The following KLC2 variants were observed in gnomAD, a reference collection of about 807,000 sequenced individuals.
The protein encoded by KLC2 is KLC 2.
In KLC2, 35 loss-of-function variants were observed where a neutral mutation model predicts 75.1. The observed-to-expected ratio is 0.47, with a 90% CI of 0.36 to 0.62. KLC2 has a LOEUF of 0.62. Among genes scored for constraint, KLC2 ranks in the 20% least tolerant of loss-of-function variants. The pLI, the probability that KLC2 is intolerant of heterozygous loss-of-function variation, is 0.00. For synonymous variants in KLC2, 314 were observed against 336.7 expected (o/e 0.93, Z 0.74); for missense variants, 611 against 833.2 (o/e 0.73, Z 3.28).
Position 66,258,833 on chromosome 11 carries a change from C to G in KLC2, c.228+11C>G. 1 of 1,589,162 alleles carries G rather than the reference C, an allele frequency of 6.3e-7. No individual in the cohort carries two copies. Among genetic ancestry groups the G allele is most frequent in the Non-Finnish European group, 8.6e-7 (1 of 1,160,496 alleles). On this transcript the variant is annotated intron_variant, in intron 2 of 15. Coordinates refer to ENST00000394067, the MANE Select transcript of KLC2 (RefSeq NM_001318734.2). Reference sequence around the variant, plus strand: ...CTGGGGGAGGCCCAGGTAGGTCAGTCTGGGGCACTGAGGTGGGAGGTCACT... The same window carrying G: ...CTGGGGGAGGCCCAGGTAGGTCAGTGTGGGGCACTGAGGTGGGAGGTCACT...
chr11:66,262,642 C>A lies in KLC2; in HGVS notation c.530-172C>A, dbSNP rs897965770. 33 of 602,486 alleles carry A rather than the reference C, an allele frequency of 5.5e-5. No homozygotes were observed. In the East Asian group the frequency reaches 9.1e-4, roughly 17 times the overall value. 37.3% of individuals were successfully genotyped at this position (602,486 alleles called of 1,614,324 possible). On this transcript the variant is annotated intron_variant, in intron 4 of 15. Coordinates refer to ENST00000394067, the MANE Select transcript of KLC2 (RefSeq NM_001318734.2). Reference sequence around the variant, plus strand: ...TGAAGTACTGGAGCTGGGCCTCTACCCCCTCTTTCTATGGGGTAACTAGAC... The same window carrying A: ...TGAAGTACTGGAGCTGGGCCTCTACACCCTCTTTCTATGGGGTAACTAGAC...
intron 4 of KLC2, chr11:66,262,511 G>A (rs1210029669): frequency 5.4e-6 from 3 of 550,868 alleles, no homozygotes; most frequent in Non-Finnish European, 9.8e-6. Flanking sequence ...CCACAATGGG[G>A]CCAGTGCCTG....
upstream of KLC2, among the ~76,000 whole-genome samples, chr11:66,255,226 C>T (rs1855994248): frequency 6.6e-6 from 1 of 152,218 alleles, no homozygotes; most frequent in African/African-American, 2.4e-5. Flanking sequence ...GGCTTTGCCG[C>T]CCAGGCTGGA....
At chr11:66,246,598 T>C in the KLC2 span, among the ~76,000 whole-genome samples, 5 of 152,198 alleles carry the variant, frequency 3.3e-5, no homozygotes, top group Non-Finnish European at 4.4e-5. Context: ...CAAGTGGGTA[T>C]AGCTCAATAT....
At chr11:66,258,480 C>A in intron 1 of KLC2, 104 bp from the exon 2 acceptor site, 1 of 743,636 alleles carries the variant, frequency 1.3e-6, no homozygotes, top group Non-Finnish European at 2.2e-6. Flanking sequence ...CCTGGGCACA[C>A]GGGAGACTCA....
chr11:66,263,315 G>A (rs1412976523), intron 5 of KLC2, among the ~76,000 whole-genome samples: 1 of 152,180 alleles, frequency 6.6e-6, no homozygotes, highest in Admixed American at 6.5e-5. Flanking sequence ...AAACACAAGA[G>A]GGCTAGAAAA....
intron 11 of KLC2, 188 bp from the exon 12 acceptor site, chr11:66,265,466 TC>T: frequency 1.5e-6 from 1 of 666,642 alleles, no homozygotes; most frequent in East Asian, 2.8e-5. Flanking sequence ...TGGGGCCAGG[TC>T]CCCAGCCCTG....
chr11:66,246,720 A>G, the KLC2 span, among the ~76,000 whole-genome samples: 1 of 151,664 alleles, frequency 6.6e-6, no homozygotes, highest in Non-Finnish European at 1.5e-5. Flanking sequence ...ACTTCTGCCC[A>G]CTCCCTTCCA....
chr11:66,263,993 G>A (rs372964623), intron 7 of KLC2, 41 bp downstream of exon 7: 42 of 1,611,566 alleles, frequency 2.6e-5, no homozygotes, highest in Admixed American at 1.7e-5. Context: ...GGTCTGGGAG[G>A]CAGGGGCCCG....
chr11:66,265,722 G>A lies in KLC2; in HGVS notation c.1402G>A (p.Ala468Thr), dbSNP rs1304907397. Reference protein sequence around the residue: ...LYRRQGKLEAAHTLEDCASRN... With the variant: ...LYRRQGKLEATHTLEDCASRN... The stretch of plus-strand genomic sequence containing the variant: ...CCGGCGCCAGGGCAAGCTGGAAGCC[G>A]CGCACACACTAGAGGACTGTGCCAG... Residue 468 changes from alanine to threonine, a missense_variant, in exon 12 of 16, where the codon GCG (alanine) becomes ACG (threonine). Physicochemically the swap from Ala to Thr is moderately conservative, Grantham distance 58 (BLOSUM62 0). Coordinates refer to ENST00000394067, the MANE Select transcript of KLC2 (RefSeq NM_001318734.2). The A allele has an allele frequency of 8.1e-6, 13 of 1,613,726 alleles. No homozygotes were observed. Among genetic ancestry groups the A allele is most frequent in the South Asian group, 2.2e-5 (2 of 91,086 alleles).
chr11:66,266,386 C>T (rs751639484), intron 14 of KLC2, 47 bp from the exon 15 acceptor site: 5 of 1,560,746 alleles, frequency 3.2e-6, no homozygotes, highest in East Asian at 2.3e-5. Context: ...CCCCCATCTC[C>T]CGTGAGTTCC....
the KLC2 span, among the ~76,000 whole-genome samples, chr11:66,252,244 T>C: frequency 6.6e-6 from 1 of 152,206 alleles, no homozygotes; most frequent in Non-Finnish European, 1.5e-5. Flanking sequence ...TAGTGTCTGT[T>C]ATGTACAAGG....
Position 66,264,380 on chromosome 11 carries a change from T to C in KLC2, c.1152T>C (p.Asp384=), listed in dbSNP as rs372494071. The part of the protein sequence containing the change: ...SCYLKQGKYQ[D]AETLYKEILT... The stretch of plus-strand genomic sequence containing the variant: ...ACCTGAAGCAGGGCAAGTACCAGGA[T>C]GCGGAGACCTTGTACAAGGAGATCC... The change falls in exon 9 of 16, where the codon GAT becomes GAC. Residue 384 remains aspartate (D), a synonymous_variant. Coordinates refer to ENST00000394067, the MANE Select transcript of KLC2 (RefSeq NM_001318734.2). 6.2e-6 allele frequency: 10 copies of C among 1,613,466 alleles called. No homozygotes were observed. In the African/African-American group the frequency reaches 8.0e-5, roughly 13 times the overall value.
intron 11 of KLC2, 129 bp downstream of exon 11, chr11:66,265,364 C>T: frequency 2.5e-6 from 2 of 806,084 alleles, no homozygotes; most frequent in Admixed American, 5.2e-5. Flanking sequence ...GTCACCTGTC[C>T]CAAGAAGGCT....
upstream of KLC2, among the ~76,000 whole-genome samples, chr11:66,254,310 G>C (rs1228852136): frequency 1.3e-5 from 2 of 152,040 alleles, no homozygotes; most frequent in Non-Finnish European, 2.9e-5. Context: ...CTGCAAAACA[G>C]AGACACTGAA....
At chr11:66,253,490 G>A (rs1211793437), upstream of KLC2, among the ~76,000 whole-genome samples, 1 of 152,228 alleles carries the variant, frequency 6.6e-6, no homozygotes, top group East Asian at 1.9e-4. Context: ...AACTTCCCAG[G>A]CATGGGATGG....
At chr11:66,257,091 G>A (rs1856068236), upstream of KLC2, among the ~76,000 whole-genome samples, 1 of 152,190 alleles carries the variant, frequency 6.6e-6, no homozygotes, top group South Asian at 2.1e-4. Context: ...ACAGAGCTAG[G>A]GCTGTGGATG....
At chr11:66,250,150 C>G in the KLC2 span, among the ~76,000 whole-genome samples, 1 of 152,106 alleles carries the variant, frequency 6.6e-6, no homozygotes, top group Non-Finnish European at 1.5e-5. Context: ...CCTCCAAGAG[C>G]CTTCCCCAAC....
upstream of KLC2, among the ~76,000 whole-genome samples, chr11:66,256,133 C>T (rs554623892): frequency 6.6e-6 from 1 of 151,370 alleles, no homozygotes; most frequent in East Asian, 2.0e-4. Flanking sequence ...ATTCCAGTCA[C>T]GGTGTCTCAT....
Sources: gnomAD v4.1 joint callset for allele counts (sites outside exome capture counted in the v4.1 genomes callset) on GRCh38, gnomAD v4.1.1 for gene constraint, MANE v1.5 for transcripts, NCBI Gene and HGNC (gene_info 2026-07-23, HGNC 2026-07-21) for gene names.